Variants in KIF1A observed in about 807,000 individuals in gnomAD.
KIF1A encodes kinesin family member 1A.
In KIF1A, 46 loss-of-function variants were observed where a neutral mutation model predicts 227.3. That is an observed-to-expected ratio of 0.20 (90% CI 0.16 to 0.26). KIF1A has a LOEUF of 0.26. KIF1A is among the 10% of genes least tolerant of loss of function. The pLI, the probability that KIF1A is intolerant of heterozygous loss-of-function variation, is 1.00. For missense variants in KIF1A, 1,683 were observed against 2,485.9 expected, an observed-to-expected ratio of 0.68 and a Z score of 6.87; for synonymous variants, 1,022 against 1,012.8, an observed-to-expected ratio of 1.01 and a Z score of -0.17.
At position 240,788,645 on chromosome 2, in the gene KIF1A, C is replaced by G. The variant is rs923176323; in HGVS notation, c.184-415G>C. On this transcript the variant is annotated intron_variant, in intron 3 of 48. Coordinates refer to ENST00000498729, the MANE Select transcript of KIF1A (RefSeq NM_001244008.2). The surrounding 1 kb of genome is among the most constrained non-coding windows in gnomAD (Gnocchi z 6.6). ...GGACACTGTCCTGAGGACAGTGGGG[C>G]ACTTTAGGCAGGGGGACAGGGTGAT... 1.3e-5 allele frequency among the ~76,000 whole-genome samples: 2 copies of G among 151,642 alleles called. No individual in the cohort carries two copies. Among genetic ancestry groups the G allele is most frequent in the South Asian group, 2.1e-4 (1 of 4,798 alleles).
intron 25 of KIF1A, among the ~76,000 whole-genome samples, chr2:240,759,585 G>GCCT (rs58650809): frequency 1.3e-5 from 2 of 151,630 alleles, no homozygotes; most frequent in African/African-American, 4.8e-5. Context: ...ACTCCTCTCT[G>GCCT]CCTGGTGCCT....
At chr2:240,747,417 G>C (rs2048733998) in intron 28 of KIF1A, 96 bp from the exon 29 acceptor site, 1 of 878,526 alleles carries the variant, frequency 1.1e-6, no homozygotes. Context: ...TCAAAGTGAG[G>C]GCACAGGAGC....
At position 240,739,144 on chromosome 2, in the gene KIF1A, G is replaced by A. The variant is rs1398627435; in HGVS notation, c.3901+914C>T. Among the ~76,000 whole-genome samples, 4 of 152,214 alleles carry A rather than the reference G, an allele frequency of 2.6e-5. No individual in the cohort carries two copies. The highest frequency in any genetic ancestry group is 5.9e-5 in the Non-Finnish European group (4 of 68,042). ...CCTCCTGTCTACAGTCCTGCACTGG[G>A]ACACAAGGTGACGGGTCCAGCCTCA... On this transcript the variant is annotated intron_variant, in intron 37 of 48. Transcript: ENST00000498729. This position sits in a 1 kb window ranked among gnomAD's most constrained non-coding sequence, Gnocchi z 5.6.
In KIF1A at chr2:240,757,426, C is replaced by T; in HGVS notation, c.2751G>A (p.Glu917=). ...GEEEEEEEEE[E]DEEEEDLEDD... is the part of the protein sequence containing the mutation. Reference sequence around the variant, plus strand: ...CCTCCAGGTCCTCCTCCTCCTCATCCTCCTCCTCCTCCTCCTCCTCCTCCT... The same window carrying T: ...CCTCCAGGTCCTCCTCCTCCTCATCTTCCTCCTCCTCCTCCTCCTCCTCCT... Residue 917 remains glutamate, a synonymous_variant, in exon 27 of 49, where the codon GAG becomes GAA. Transcript: ENST00000498729. This position sits in a 1 kb window ranked among gnomAD's most constrained non-coding sequence, Gnocchi z 6.2. The T allele has an allele frequency of 4.2e-6, 1 of 236,122 alleles. No individual in the cohort carries two copies. Among genetic ancestry groups the T allele is most frequent in the Non-Finnish European group, 5.5e-6 (1 of 182,642 alleles). 14.6% of individuals were successfully genotyped at this position (236,122 alleles called of 1,614,324 possible).
Position 240,793,681 on chromosome 2 carries a change from G to T in KIF1A, c.106+3966C>A, listed in dbSNP as rs577103441. On this transcript the variant is annotated intron_variant, in intron 2 of 48. Transcript: ENST00000498729. This position sits in a 1 kb window ranked among gnomAD's most constrained non-coding sequence, Gnocchi z 4.8. ...GCTGGCTCACAAAACTGCTAGGTCT[G>T]GTGTGTTCAAATGAAGAGGATTATT... Among the ~76,000 whole-genome samples the T allele has an allele frequency of 9.9e-5, 15 of 152,212 alleles. No homozygotes were observed. Among genetic ancestry groups the T allele is most frequent in the Middle Eastern group, 3.2e-3 (1 of 316 alleles).
In KIF1A at chr2:240,736,587, T is replaced by G. The variant is rs894593901; in HGVS notation, c.4007+476A>C. On this transcript the variant is annotated intron_variant, in intron 38 of 48. Coordinates refer to ENST00000498729, the MANE Select transcript of KIF1A (RefSeq NM_001244008.2). The surrounding 1 kb of genome is among the most constrained non-coding windows in gnomAD (Gnocchi z 4.7). ...CGCCCAGACTGTGGGGTCTTGGCCGTGCAAGGAGTGTAGGAAGGAGCAGCC... is the reference window on the plus strand; with the variant it reads ...CGCCCAGACTGTGGGGTCTTGGCCGGGCAAGGAGTGTAGGAAGGAGCAGCC... Among the ~76,000 whole-genome samples the G allele has an allele frequency of 1.3e-5, 2 of 152,188 alleles. No homozygotes were observed. Among genetic ancestry groups the G allele is most frequent in the Non-Finnish European group, 2.9e-5 (2 of 68,034 alleles).
chr2:240,808,979 C>G (rs1039373928), intron 1 of KIF1A, among the ~76,000 whole-genome samples: 3 of 152,154 alleles, frequency 2.0e-5, no homozygotes, highest in African/African-American at 7.2e-5. Context: ...ATCTGCCCGC[C>G]TCAGCCTCCC....
chr2:240,719,242 A>G, intron 46 of KIF1A, 44 bp from the exon 47 acceptor site: 8 of 1,570,718 alleles, frequency 5.1e-6, no homozygotes, highest in Non-Finnish European at 6.9e-6. Flanking sequence ...CGGTGGGGGC[A>G]GCGACTGACT....
chr2:240,786,717 AGT>A (rs1327475623), intron 5 of KIF1A, among the ~76,000 whole-genome samples: 3 of 125,196 alleles, frequency 2.4e-5, no homozygotes, highest in Admixed American at 7.7e-5. Context: ...AGGACCCCTG[AGT>A]GAGGGGGTGG....
At chr2:240,763,736 C>T (rs968784200) in intron 20 of KIF1A, among the ~76,000 whole-genome samples, 1 of 152,224 alleles carries the variant, frequency 6.6e-6, no homozygotes, top group African/African-American at 2.4e-5. Context: ...GACTTGGGCC[C>T]TCCACAGAGC....
intron 38 of KIF1A, among the ~76,000 whole-genome samples, chr2:240,728,168 ACGCAGGGCATGGATCTCACAAGT>A (rs2046243342): frequency 6.6e-6 from 1 of 152,162 alleles, no homozygotes; most frequent in Non-Finnish European, 1.5e-5. Flanking sequence ...ATGGTCTGGG[ACGCAGGGCATGGATCTCACAAGT>A]CGGGGGTGTG....
intron 41 of KIF1A, 47 bp from the exon 42 acceptor site, chr2:240,723,605 C>T: frequency 6.7e-7 from 1 of 1,489,766 alleles, no homozygotes; most frequent in Non-Finnish European, 9.0e-7. Flanking sequence ...TGGGTGGCTG[C>T]TCCTCCCACC....
At chr2:240,734,660 A>G in intron 38 of KIF1A, 1 of 1,254,126 alleles carries the variant, frequency 8.0e-7, no homozygotes, top group South Asian at 1.3e-5. Flanking sequence ...GGGGAGGAGC[A>G]GGGAGGAAAG....
chr2:240,808,381 T>A (rs1182640432), intron 1 of KIF1A, among the ~76,000 whole-genome samples: 1 of 152,114 alleles, frequency 6.6e-6, no homozygotes, highest in African/African-American at 2.4e-5. Flanking sequence ...TAACCCAACC[T>A]GGCACAGTGG....
At chr2:240,781,874 G>A in intron 10 of KIF1A, 1 of 985,232 alleles carries the variant, frequency 1.0e-6, no homozygotes, top group Non-Finnish European at 1.2e-6. Context: ...GCAGCCCCAC[G>A]TGTTCTTAGT....
intron 1 of KIF1A, among the ~76,000 whole-genome samples, chr2:240,810,834 A>G (rs1368078006): frequency 1.3e-5 from 2 of 152,140 alleles, no homozygotes; most frequent in African/African-American, 4.8e-5. Context: ...TGTGCCCGCC[A>G]TGGTGACGTG....
At chr2:240,797,938 G>C (rs917685787) in intron 1 of KIF1A, 126 bp from the exon 2 acceptor site, 3 of 557,684 alleles carry the variant, frequency 5.4e-6, no homozygotes, top group Non-Finnish European at 9.6e-6. Flanking sequence ...TACATGCATG[G>C]GGTGGAATCC....
intron 30 of KIF1A, 46 bp downstream of exon 30, chr2:240,745,993 G>T (rs756007124): frequency 1.2e-6 from 2 of 1,601,404 alleles, no homozygotes; most frequent in South Asian, 2.2e-5. Context: ...CAGGAACCAG[G>T]TCTCAGCATC....
At chr2:240,771,843 C>T (rs930844842) in intron 14 of KIF1A, among the ~76,000 whole-genome samples, 1 of 152,202 alleles carries the variant, frequency 6.6e-6, no homozygotes, top group African/African-American at 2.4e-5. Flanking sequence ...CCTCATGCAT[C>T]CCTAAGGCCC....
Sources: allele counts gnomAD v4.1 joint callset (sites outside exome capture counted in the v4.1 genomes callset), GRCh38; gene constraint gnomAD v4.1.1; non-coding constraint Gnocchi (gnomAD v3.1); transcripts MANE v1.5; gene names NCBI Gene and HGNC (gene_info 2026-07-23, HGNC 2026-07-21).